The following RBM20 variants were observed in gnomAD, a reference collection of about 807,000 sequenced individuals.
RBM20 encodes the protein RNA-binding protein 20.
In RBM20, 51 loss-of-function variants were observed where a neutral mutation model predicts 110.1. The ratio of observed to expected loss-of-function variants is 0.46; its 90% CI spans 0.37 to 0.59. RBM20 has a LOEUF of 0.59. Ranked by LOEUF, RBM20 falls within the 20% of genes least tolerant of loss-of-function variation. The pLI is 0.00. For missense variants in RBM20, 1,512 were observed against 1,574.9 expected (o/e 0.96, Z 0.68); for synonymous variants, 589 against 618.2 (o/e 0.95, Z 0.70).
At chr10:110,772,312 C>T (rs1291049953) in intron 1 of RBM20, among the ~76,000 whole-genome samples, 1 of 152,218 alleles carries the variant, frequency 6.6e-6, no homozygotes, top group African/African-American at 2.4e-5. Context: ...CCGTGCTGAA[C>T]TGACTGCCTA....
chr10:110,818,358 T>A (rs1364222805), intron 9 of RBM20, among the ~76,000 whole-genome samples: 2 of 151,298 alleles, frequency 1.3e-5, no homozygotes, highest in East Asian at 1.9e-4. Context: ...TTTGGAATGA[T>A]CATTCTTGAT....
At chr10:110,689,124 C>T (rs1366154961) in intron 1 of RBM20, among the ~76,000 whole-genome samples, 1 of 152,158 alleles carries the variant, frequency 6.6e-6, no homozygotes, top group East Asian at 1.9e-4. Context: ...TATTCCGTTT[C>T]CCCCAATGGC....
At chr10:110,768,725 T>C (rs1312425015) in intron 1 of RBM20, among the ~76,000 whole-genome samples, 1 of 152,204 alleles carries the variant, frequency 6.6e-6, no homozygotes, top group Non-Finnish European at 1.5e-5. Flanking sequence ...AGGATGTGGA[T>C]GATGTCCTCA....
intron 1 of RBM20, among the ~76,000 whole-genome samples, chr10:110,661,738 G>A (rs1408501210): frequency 4.6e-5 from 7 of 152,214 alleles, no homozygotes; most frequent in South Asian, 2.1e-4. Flanking sequence ...GGCCAGGCAC[G>A]GTGGCTCACA....
intron 1 of RBM20, among the ~76,000 whole-genome samples, chr10:110,669,545 G>T (rs1862230024): frequency 2.6e-5 from 4 of 152,314 alleles, no homozygotes; most frequent in African/African-American, 7.2e-5. Context: ...AGGCTCAGAA[G>T]ATTGCTTTCA....
At chr10:110,684,505 AAAC>A (rs986421185) in intron 1 of RBM20, among the ~76,000 whole-genome samples, 1 of 152,210 alleles carries the variant, frequency 6.6e-6, no homozygotes, top group Non-Finnish European at 1.5e-5. Flanking sequence ...ACAACACAAA[AAAC>A]AACAACCAAA....
At chr10:110,722,475 C>A (rs1433493527) in intron 1 of RBM20, among the ~76,000 whole-genome samples, 1 of 152,150 alleles carries the variant, frequency 6.6e-6, no homozygotes, top group Non-Finnish European at 1.5e-5. Context: ...GTTGTGTATT[C>A]TGTGGGTTCG....
At chr10:110,820,868 T>C (rs1844900080) in intron 10 of RBM20, among the ~76,000 whole-genome samples, 1 of 152,122 alleles carries the variant, frequency 6.6e-6, no homozygotes, top group East Asian at 1.9e-4. Context: ...GTACCCCTGC[T>C]GGGAGAGGGT....
chr10:110,756,572 C>T (rs1843924714), intron 1 of RBM20: 1 of 152,250 alleles, frequency 6.6e-6, no homozygotes, highest in South Asian at 2.1e-4. Flanking sequence ...ACATTCCTCC[C>T]ACATCTGGGC....
At chr10:110,733,971 A>C (rs1444374033) in intron 1 of RBM20, among the ~76,000 whole-genome samples, 1 of 152,062 alleles carries the variant, frequency 6.6e-6, no homozygotes, top group Non-Finnish European at 1.5e-5. Context: ...TTTTCATTAT[A>C]CCTGCGAATG....
At chr10:110,735,300 C>A (rs1027109448) in intron 1 of RBM20, among the ~76,000 whole-genome samples, 2 of 152,096 alleles carry the variant, frequency 1.3e-5, no homozygotes, top group African/African-American at 4.8e-5. Flanking sequence ...ACATATCCCC[C>A]CATTGCAGAT....
At position 110,780,833 on chromosome 10, in the gene RBM20, C is replaced by T. The variant is rs191342808; in HGVS notation, c.224C>T (p.Ser75Leu). 131 of 1,537,574 alleles carry T rather than the reference C, an allele frequency of 8.5e-5. 1 individual carries two copies. The East Asian group carries it at 3.0e-3, about 35-fold the overall frequency. ...AAKLLDKNPF[S>L]VSNPNPLLPS... Reference sequence around the variant, plus strand: ...AAGCTCCTGGACAAGAACCCATTCTCGGTCAGTAACCCGAACCCTCTGCTT... The same window carrying T: ...AAGCTCCTGGACAAGAACCCATTCTTGGTCAGTAACCCGAACCCTCTGCTT... Residue 75 changes from serine to leucine, a missense_variant, in exon 2 of 14, where the codon TCG becomes TTG. Physicochemically the swap from Ser to Leu is moderately radical, Grantham distance 145 (BLOSUM62 -2). Around this residue, in one of 3 missense-constraint regions of RBM20, gnomAD observed 1,149 missense variants for 1,169.4 expected, o/e 0.98. Transcript: ENST00000369519.
chr10:110,646,397 C>T (rs1461887162), intron 1 of RBM20, among the ~76,000 whole-genome samples: 1 of 152,174 alleles, frequency 6.6e-6, no homozygotes, highest in Non-Finnish European at 1.5e-5. Context: ...AAAATCCCAT[C>T]TTTGGAATAT....
chr10:110,749,437 G>A (rs1383809622), intron 1 of RBM20, among the ~76,000 whole-genome samples: 1 of 152,104 alleles, frequency 6.6e-6, no homozygotes, highest in African/African-American at 2.4e-5. Flanking sequence ...AATAAAATAT[G>A]CCTAGTTCTT....
At chr10:110,695,536 A>G (rs1862650780) in intron 1 of RBM20, among the ~76,000 whole-genome samples, 3 of 152,226 alleles carry the variant, frequency 2.0e-5, no homozygotes, top group African/African-American at 7.2e-5. Context: ...TGCCCAGCCC[A>G]GAGTACGAAA....
chr10:110,822,928 AAGG>A (rs1564665102), intron 11 of RBM20, among the ~76,000 whole-genome samples: 1 of 152,144 alleles, frequency 6.6e-6, no homozygotes, highest in African/African-American at 2.4e-5. Context: ...GGCAAGAATA[AAGG>A]AGGAGTGAAA....
intron 5 of RBM20, among the ~76,000 whole-genome samples, chr10:110,795,099 C>T (rs1165158477): frequency 6.6e-6 from 1 of 152,224 alleles, no homozygotes; most frequent in Non-Finnish European, 1.5e-5. Flanking sequence ...AGAAACGTGC[C>T]TCGCTAAGAG....
chr10:110,724,366 A>G (rs1843539904), intron 1 of RBM20, among the ~76,000 whole-genome samples: 1 of 152,254 alleles, frequency 6.6e-6, no homozygotes, highest in Admixed American at 6.5e-5. Flanking sequence ...TGGGAGCTGC[A>G]GAACTGAAGT....
At chr10:110,707,878 T>C (rs1023499065) in intron 1 of RBM20, among the ~76,000 whole-genome samples, 5 of 152,188 alleles carry the variant, frequency 3.3e-5, no homozygotes, top group African/African-American at 1.2e-4. Context: ...ATTGTACATT[T>C]AAAAATAACC....
Sources: allele counts gnomAD v4.1 joint callset (sites outside exome capture counted in the v4.1 genomes callset), GRCh38; gene constraint gnomAD v4.1.1; regional missense constraint gnomAD v4.1.1; transcripts MANE v1.5; gene names NCBI Gene and HGNC (gene_info 2026-07-23, HGNC 2026-07-21).